NLRC5: variants seen among roughly 807,000 people sequenced by gnomAD.
NLRC5 encodes protein NLRC5.
A neutral mutation model predicts 206.9 loss-of-function variants in NLRC5; 114 were observed. That is an observed-to-expected ratio of 0.55 (90% CI 0.47 to 0.64). NLRC5 has a LOEUF of 0.64. Ranked by LOEUF, NLRC5 falls within the 30% of genes least tolerant of loss-of-function variation. The pLI is 0.00. For synonymous variants in NLRC5, 952 were observed against 962.8 expected (o/e 0.99, Z 0.21); for missense variants, 2,008 against 2,305.5 (o/e 0.87, Z 2.64).
chr16:57,047,408 C>T (rs766963997), intron 22 of NLRC5, 137 bp from the exon 23 acceptor site: 10 of 703,872 alleles, frequency 1.4e-5, no homozygotes, highest in East Asian at 5.4e-5. Flanking sequence ...GAGAGGGAAG[C>T]GAGTGCCCCA....
At chr16:57,025,333 G>T (rs774696641) in intron 5 of NLRC5, 35 bp from the exon 6 acceptor site, 1 of 1,509,676 alleles carries the variant, frequency 6.6e-7, no homozygotes, top group Admixed American at 2.3e-5. Flanking sequence ...GGGCCGGGGG[G>T]TCCTCTCCTC....
At position 57,047,580 on chromosome 16, in the gene NLRC5, C is replaced by A. The variant is rs138347049; in HGVS notation, c.3374C>A (p.Thr1125Asn). 1 of 1,613,332 alleles carries A rather than the reference C, an allele frequency of 6.2e-7. No individual in the cohort carries two copies. The highest frequency in any genetic ancestry group is 1.3e-5 in the African/African-American group (1 of 75,008). Reference sequence around the variant, plus strand: ...TGTCCTCTGGAGCCCCCAAGCCTCACCCGCCTCTGTGCCACTCTGAAGGAC... The same window carrying A: ...TGTCCTCTGGAGCCCCCAAGCCTCAACCGCCTCTGTGCCACTCTGAAGGAC... ...SECPLEPPSL[T>N]RLCATLKDCP... Residue 1125 changes from threonine to asparagine, a missense_variant, in exon 23 of 49, where the codon ACC (threonine) becomes AAC (asparagine). Coordinates refer to ENST00000688547, the MANE Select transcript of NLRC5 (RefSeq NM_001384950.1).
rs1349813350 is a variant in NLRC5, at chr16:57,081,444, C to G, written c.5406-83C>G. 3.7e-6 allele frequency: 5 copies of G among 1,345,474 alleles called. No homozygotes were observed. The African/African-American group carries it at 7.2e-5, about 19-fold the overall frequency. 83.3% of individuals were successfully genotyped at this position (1,345,474 alleles called of 1,614,324 possible). A position where few individuals can be genotyped will look rare whatever the true frequency, so the allele number is the denominator to read the frequency against. On this transcript the variant is annotated intron_variant, in intron 47 of 48. Coordinates refer to ENST00000688547, the MANE Select transcript of NLRC5 (RefSeq NM_001384950.1). ...GGAGACTGTGTCCCCTGACCTTGGCCTGAGGAAGGGACCTAGGAAACTCTC... is the reference window on the plus strand; with the variant it reads ...GGAGACTGTGTCCCCTGACCTTGGCGTGAGGAAGGGACCTAGGAAACTCTC...
chr16:57,026,339 A>C lies in NLRC5; in HGVS notation c.1396A>C (p.Arg466=), dbSNP rs556886442. ...ACTGGACCTGGGGGAGGTGGCCCTG[A>C]GGGGCCTGGAGACAGGGAAGGTTAT... ...SLLDLGEVAL[R]GLETGKVIFY... Residue 466 remains arginine (R), a synonymous_variant, in exon 6 of 49, where the codon AGG becomes CGG. Transcript: ENST00000688547. The C allele has an allele frequency of 2.0e-4, 324 of 1,613,936 alleles. 2 individuals are homozygous for C. The South Asian group carries it at 3.4e-3, about 17-fold the overall frequency.
intron 4 of NLRC5, among the ~76,000 whole-genome samples, chr16:57,023,460 C>G (rs538321209): frequency 6.6e-6 from 1 of 152,324 alleles, no homozygotes; most frequent in African/African-American, 2.4e-5. Flanking sequence ...TGGTCCTTCC[C>G]TGATGGACAG....
At position 56,989,562 on chromosome 16, in the gene NLRC5, C is replaced by T. The variant is rs1305756192; in HGVS notation, c.-183C>T. 6.6e-6 allele frequency: 1 copy of T among 152,608 alleles called. No homozygotes were observed. Among genetic ancestry groups the T allele is most frequent in the African/African-American group, 2.4e-5 (1 of 41,464 alleles). 9.5% of individuals were successfully genotyped at this position (152,608 alleles called of 1,614,324 possible). A position where few individuals can be genotyped will look rare whatever the true frequency, so the allele number is the denominator to read the frequency against. ...AGGCGGCGGCTTCTACTTTCAGTTT[C>T]GTGCAGAGCGCGGAGGAGCCGCGAG... On this transcript the variant is annotated 5_prime_UTR_variant, in exon 1 of 49. Transcript: ENST00000688547.
At chr16:57,065,352 G>A in intron 33 of NLRC5, 54 bp downstream of exon 33, 1 of 1,321,404 alleles carries the variant, frequency 7.6e-7, no homozygotes, top group Non-Finnish European at 1.0e-6. Context: ...TAAGCATTGG[G>A]ACTTTTCCTT....
At chr16:57,020,261 A>T (rs1425555513) in intron 2 of NLRC5, among the ~76,000 whole-genome samples, 1 of 144,742 alleles carries the variant, frequency 6.9e-6, no homozygotes, top group African/African-American at 2.6e-5. Context: ...TCTCCATCTA[A>T]TCTTCCTCCC....
chr16:57,080,908 G>A (rs1221300696), intron 46 of NLRC5, 190 bp from the exon 47 acceptor site: 6 of 551,576 alleles, frequency 1.1e-5, no homozygotes, highest in African/African-American at 5.7e-5. Context: ...TGACGGGGAG[G>A]GGAGCAGGGA....
At position 57,079,109 on chromosome 16, in the gene NLRC5, G is replaced by T; in HGVS notation, c.5141G>T (p.Gly1714Val). The change falls in exon 44 of 49, where the codon GGA becomes GTA. Residue 1714 changes from glycine to valine, a missense_variant. Physicochemically the swap from Gly to Val is moderately radical, Grantham distance 109. Coordinates refer to ENST00000688547, the MANE Select transcript of NLRC5 (RefSeq NM_001384950.1). ...GALSLAQALD[G>V]SPHLEEISLA... is the part of the protein sequence containing the mutation. ...CTGAGCCTGGCCCAGGCCCTGGATGGATCCCCCCATTTGGAAGAGATCAGG... is the reference window on the plus strand; with the variant it reads ...CTGAGCCTGGCCCAGGCCCTGGATGTATCCCCCCATTTGGAAGAGATCAGG... The T allele has an allele frequency of 6.2e-7, 1 of 1,614,174 alleles. No individual in the cohort carries two copies. Among genetic ancestry groups the T allele is most frequent in the Non-Finnish European group, 8.5e-7 (1 of 1,180,036 alleles).
intron 36 of NLRC5, among the ~76,000 whole-genome samples, chr16:57,069,451 A>G (rs1305718383): frequency 6.6e-6 from 1 of 152,214 alleles, no homozygotes; most frequent in African/African-American, 2.4e-5. Flanking sequence ...AAATAAATAA[A>G]TAAAATAAAT....
chr16:57,078,184 C>G (rs1279634937), intron 43 of NLRC5, among the ~76,000 whole-genome samples, 164 bp downstream of exon 43: 1 of 152,222 alleles, frequency 6.6e-6, no homozygotes, highest in Non-Finnish European at 1.5e-5. Flanking sequence ...ATGTCTGCAG[C>G]AAGAAAATCA....
In NLRC5 at chr16:57,065,266, C is replaced by T. The variant is rs375606549; in HGVS notation, c.4209C>T (p.Cys1403=). ...RARVLSLLEV[C]AQASGSVTEI... is the part of the protein sequence containing the mutation. ...GGGTTCTCTCCCTGTTAGAAGTCTG[C>T]GCCCAGGCCTCAGGCAGTGTCACTG... is the stretch of plus-strand genomic sequence containing the variant. Residue 1403 remains cysteine (C), a synonymous_variant, in exon 33 of 49, where the codon TGC becomes TGT. Transcript: ENST00000688547. 45 of 1,582,292 alleles carry T rather than the reference C, an allele frequency of 2.8e-5. No homozygotes were observed. Among genetic ancestry groups the T allele is most frequent in the East Asian group, 2.6e-4 (11 of 42,620 alleles).
intron 36 of NLRC5, among the ~76,000 whole-genome samples, chr16:57,068,432 GA>G (rs36035686): frequency 5.6e-4 from 77 of 136,768 alleles, no homozygotes; most frequent in African/African-American, 7.2e-4. Context: ...CTCGGTTTCC[GA>G]AAAAAAAAAA....
intron 30 of NLRC5, among the ~76,000 whole-genome samples, chr16:57,060,565 A>C (rs763120400): frequency 2.7e-5 from 4 of 149,968 alleles, no homozygotes; most frequent in African/African-American, 9.9e-5. Context: ...ACAAAAACAA[A>C]CCCCCCACAT....
chr16:57,053,942 G>T (rs1382430680), intron 24 of NLRC5, among the ~76,000 whole-genome samples: 1 of 152,114 alleles, frequency 6.6e-6, no homozygotes, highest in African/African-American at 2.4e-5. Flanking sequence ...GGGTGCTGGG[G>T]GCTGATCACT....
intron 23 of NLRC5, 95 bp from the exon 24 acceptor site, chr16:57,051,443 T>C (rs1176000737): frequency 9.3e-6 from 8 of 858,998 alleles, no homozygotes; most frequent in Non-Finnish European, 1.6e-5. Context: ...GTGACCCTGG[T>C]TAGGTCCCAT....
At chr16:57,035,153 T>A (rs536901259) in intron 13 of NLRC5, among the ~76,000 whole-genome samples, 36 of 152,210 alleles carry the variant, frequency 2.4e-4, no homozygotes, top group African/African-American at 8.7e-4. Flanking sequence ...CGCAGCCACC[T>A]CCTAGCCCCC....
intron 15 of NLRC5, among the ~76,000 whole-genome samples, chr16:57,038,469 G>C (rs1300572896): frequency 6.6e-6 from 1 of 152,052 alleles, no homozygotes; most frequent in Non-Finnish European, 1.5e-5. Context: ...TATTGACCAG[G>C]CTGTTCTCAA....
Sources: gnomAD v4.1 joint callset for allele counts (sites outside exome capture counted in the v4.1 genomes callset) on GRCh38, gnomAD v4.1.1 for gene constraint, MANE v1.5 for transcripts, NCBI Gene and HGNC (gene_info 2026-07-23, HGNC 2026-07-21) for gene names.